The following NRBP2 variants were observed in gnomAD, a reference collection of about 807,000 sequenced individuals.
NRBP2 encodes the protein nuclear receptor binding protein 2.
NRBP2 carries 47 observed loss-of-function variants against 74.4 expected under a neutral mutation model. The ratio of observed to expected loss-of-function variants is 0.63; its 90% CI spans 0.50 to 0.81. NRBP2 has a LOEUF of 0.81. Ranked by LOEUF, NRBP2 falls within the 30% of genes least tolerant of loss-of-function variation. The probability of loss-of-function intolerance (pLI) is 0.00; values close to 1 mark genes in which losing one functional copy is unlikely to be tolerated. For synonymous variants in NRBP2, 312 were observed against 273.8 expected, an observed-to-expected ratio of 1.14 and a Z score of -1.38; for missense variants, 613 against 690.1, an observed-to-expected ratio of 0.89 and a Z score of 1.25.
In NRBP2 at chr8:143,840,354, G is replaced by A; in HGVS notation, c.130-125C>T. 1.5e-6 allele frequency: 2 copies of A among 1,313,050 alleles called. No individual in the cohort carries two copies. Among genetic ancestry groups the A allele is most frequent in the Non-Finnish European group, 2.1e-6 (2 of 973,614 alleles). The allele number at this position is 1,313,050 out of a possible 1,614,324, so 81.3% of individuals were successfully genotyped here. The stretch of plus-strand genomic sequence containing the variant: ...GCTGCAGGCCCTGAGCCACTCTGCG[G>A]GAAGGTGGGGCTTGGAGGGTAGCTG... On this transcript the variant is annotated intron_variant, in intron 1 of 17. Coordinates refer to ENST00000442628, the MANE Select transcript of NRBP2 (RefSeq NM_178564.4). This position sits in a 1 kb window ranked among gnomAD's most constrained non-coding sequence, Gnocchi z 5.7.
rs752770590 is a variant in NRBP2 at position 143,835,727 on chromosome 8, C to A, written c.1441G>T (p.Asp481Tyr). The A allele has an allele frequency of 4.4e-6, 7 of 1,599,274 alleles. No individual in the cohort carries two copies. The African/African-American group carries it at 8.1e-5, about 18-fold the overall frequency. Residue 481 changes from aspartate (D) to tyrosine (Y), a missense_variant, in exon 18 of 18, where the codon GAC (aspartate) becomes TAC (tyrosine). Transcript: ENST00000442628. The surrounding 1 kb of genome is among the most constrained non-coding windows in gnomAD (Gnocchi z 4.9). ...LVHYGFLHED[D>Y]RMKLAAFLES... ...AGGAAGGCGGCCAGCTTCATCCGGT[C>A]GTCCTGCGGAAGGAGGGAGGCATGG...
Position 143,835,763 on chromosome 8 carries a change from G to T in NRBP2, c.1438-33C>A, listed in dbSNP as rs566975606. On this transcript the variant is annotated intron_variant, in intron 17 of 17. Coordinates refer to ENST00000442628, the MANE Select transcript of NRBP2 (RefSeq NM_178564.4). The surrounding 1 kb of genome is among the most constrained non-coding windows in gnomAD (Gnocchi z 4.9). Reference sequence around the variant, plus strand: ...AGGAGGGAGGCATGGGGGACGGAGGGGCGCGGCCTGCCCCGTGCGCCCCCT... The same window carrying T: ...AGGAGGGAGGCATGGGGGACGGAGGTGCGCGGCCTGCCCCGTGCGCCCCCT... 13 of 1,596,484 alleles carry T rather than the reference G, an allele frequency of 8.1e-6. No individual in the cohort carries two copies. In the East Asian group the frequency reaches 2.0e-4, roughly 25 times the overall value.
Position 143,840,750 on chromosome 8 carries a change from G to C in NRBP2, c.85C>G (p.Leu29Val). Residue 29 changes from leucine to valine, a missense_variant, in exon 1 of 18, where the codon CTG becomes GTG. This residue lies in a region of NRBP2 where 332 missense variants were observed against 429.2 expected (regional missense o/e 0.77). Coordinates refer to ENST00000442628, the MANE Select transcript of NRBP2 (RefSeq NM_178564.4). The surrounding 1 kb of genome is among the most constrained non-coding windows in gnomAD (Gnocchi z 5.7). ...CAGCGACCACACGGGCTTTCCTCCA[G>C]GATGTCGCTCTCGTCCTCGCTCTCG... The part of the protein sequence containing the change: ...EDESEDESDI[L>V]EESPCGRWQK... 6.6e-7 allele frequency: 1 copy of C among 1,514,888 alleles called. No individual in the cohort carries two copies. The highest frequency in any genetic ancestry group is 8.8e-7 in the Non-Finnish European group (1 of 1,137,520). 93.8% of individuals were successfully genotyped at this position (1,514,888 alleles called of 1,614,324 possible). A position where few individuals can be genotyped will look rare whatever the true frequency, so the allele number is the denominator to read the frequency against.
In NRBP2 at chr8:143,833,603, G is replaced by A. The variant is rs1012016634; in HGVS notation, c.*2059C>T. The A allele has an allele frequency of 6.6e-6, 1 of 152,032 alleles. No homozygotes were observed. Among genetic ancestry groups the A allele is most frequent in the East Asian group, 1.9e-4 (1 of 5,196 alleles). The allele number at this position is 152,032 out of a possible 1,614,324, so 9.4% of individuals were successfully genotyped here. On this transcript the variant is annotated 3_prime_UTR_variant, in exon 18 of 18. Coordinates refer to ENST00000442628, the MANE Select transcript of NRBP2 (RefSeq NM_178564.4). ...TTGAATTTGGAGAGGATCAGAGTAG[G>A]AGCCTGCATTTATTATTTATTATTG... is the stretch of plus-strand genomic sequence containing the variant.
downstream of NRBP2, chr8:143,833,303 C>T (rs1818227620): frequency 6.6e-6 from 1 of 152,148 alleles, no homozygotes; most frequent in South Asian, 2.1e-4. Context: ...TTATTAACTC[C>T]AGGGAAAACA....
At position 143,837,435 on chromosome 8, in the gene NRBP2, G is replaced by A. The variant is rs565981510; in HGVS notation, c.1048C>T (p.Arg350Trp). 34 of 1,606,686 alleles carry A rather than the reference G, an allele frequency of 2.1e-5. No individual in the cohort carries two copies. Among genetic ancestry groups the A allele is most frequent in the Middle Eastern group, 1.7e-4 (1 of 6,054 alleles). ...DLHAVLAELPRPRRPPLQWRY... is the reference protein window; with the variant it reads ...DLHAVLAELPWPRRPPLQWRY... ...CACTGCAGCGGGGGCCTGCGGGGCC[G>A]GGGAAGCTCCGCCAAGACCGCGTGC... The change falls in exon 12 of 18, where the codon CGG (arginine) becomes TGG (tryptophan). Residue 350 changes from arginine to tryptophan, a missense_variant. By Grantham distance (101) the Arg-to-Trp change is moderately radical. Transcript: ENST00000442628. This position sits in a 1 kb window ranked among gnomAD's most constrained non-coding sequence, Gnocchi z 4.3.
chr8:143,832,421 T>C (rs1377713486), downstream of NRBP2, among the ~76,000 whole-genome samples: 8 of 152,024 alleles, frequency 5.3e-5, no homozygotes, highest in African/African-American at 1.9e-4. Flanking sequence ...GGGTCTGTGC[T>C]GAGGAGGATT....
At position 143,839,163 on chromosome 8, in the gene NRBP2, C is replaced by T. The variant is rs1014269818; in HGVS notation, c.604+9G>A. On this transcript the variant is annotated intron_variant, in intron 7 of 17. Coordinates refer to ENST00000442628, the MANE Select transcript of NRBP2 (RefSeq NM_178564.4). This position sits in a 1 kb window ranked among gnomAD's most constrained non-coding sequence, Gnocchi z 5.1. ...TCCAGGACCCCGTCCCCCCAAAGTC[C>T]GCACTTACCATTGGAGAAGATTCGG... is the stretch of plus-strand genomic sequence containing the variant. 9.2e-6 allele frequency: 14 copies of T among 1,523,330 alleles called. No homozygotes were observed. In the Admixed American group the frequency reaches 9.9e-5, roughly 11 times the overall value. 94.4% of individuals were successfully genotyped at this position (1,523,330 alleles called of 1,614,324 possible). A position where few individuals can be genotyped will look rare whatever the true frequency, so the allele number is the denominator to read the frequency against.
At chr8:143,831,739 G>GT (rs1236616287), downstream of NRBP2, among the ~76,000 whole-genome samples, 5 of 152,348 alleles carry the variant, frequency 3.3e-5, no homozygotes, top group East Asian at 7.7e-4. Flanking sequence ...AAACAGTCAT[G>GT]TTTTCTGAAC....
Position 143,836,391 on chromosome 8 carries a change from C to T in NRBP2, c.1264-211G>A, listed in dbSNP as rs375631128. 2.6e-4 allele frequency among the ~76,000 whole-genome samples: 39 copies of T among 152,102 alleles called. No individual in the cohort carries two copies. In the East Asian group the frequency reaches 6.4e-3, roughly 25 times the overall value. Reference sequence around the variant, plus strand: ...CTGAAGGCTGAATAGGAGCTTTCACCGCGGAGAGAACAACTTGAACAAAGA... The same window carrying T: ...CTGAAGGCTGAATAGGAGCTTTCACTGCGGAGAGAACAACTTGAACAAAGA... On this transcript the variant is annotated intron_variant, in intron 14 of 17. Coordinates refer to ENST00000442628, the MANE Select transcript of NRBP2 (RefSeq NM_178564.4).
At chr8:143,836,461 C>G (rs1245397800) in intron 14 of NRBP2, among the ~76,000 whole-genome samples, 1 of 151,832 alleles carries the variant, frequency 6.6e-6, no homozygotes, top group Non-Finnish European at 1.5e-5. Flanking sequence ...GGGACAGGAC[C>G]GCGCCGAAGT....
chr8:143,838,912 T>C lies in NRBP2; in HGVS notation c.715A>G (p.Ile239Val), dbSNP rs1554652666. Residue 239 changes from isoleucine (I) to valine (V), a missense_variant, in exon 9 of 18, where the codon ATC (isoleucine) becomes GTC (valine). Transcript: ENST00000442628. ...GEVADGTAVD[I>V]FSFGMCALEM... ...AGCGCACACATCCCAAAGGAGAAGA[T>C]GTCCACAGCGGTCCCATCGGCCACC... 3.1e-6 allele frequency: 5 copies of C among 1,611,936 alleles called. No individual in the cohort carries two copies. The highest frequency in any genetic ancestry group is 1.3e-5 in the African/African-American group (1 of 74,994).
chr8:143,836,275 G>T, intron 14 of NRBP2, 95 bp from the exon 15 acceptor site: 1 of 1,420,178 alleles, frequency 7.0e-7, no homozygotes, highest in Non-Finnish European at 9.2e-7. Context: ...AGACTGGAAA[G>T]GGGGGAATCT....
In NRBP2 at chr8:143,839,508, C is replaced by T. The variant is rs921215303; in HGVS notation, c.485+1G>A. On this transcript the variant is annotated splice_donor_variant, in intron 5 of 17. Coordinates refer to ENST00000442628, the MANE Select transcript of NRBP2 (RefSeq NM_178564.4). LOFTEE classifies it high-confidence loss of function. The surrounding 1 kb of genome is among the most constrained non-coding windows in gnomAD (Gnocchi z 5.1). ...GCGCCCAGGCCAGCCCAGGCCCTCACCTGAGCGCAGACAGGATCTGCGTGC... is the reference window on the plus strand; with the variant it reads ...GCGCCCAGGCCAGCCCAGGCCCTCATCTGAGCGCAGACAGGATCTGCGTGC... 4.6e-6 allele frequency: 7 copies of T among 1,533,328 alleles called. No individual in the cohort carries two copies. Among genetic ancestry groups the T allele is most frequent in the Non-Finnish European group, 6.1e-6 (7 of 1,146,188 alleles). 95.0% of individuals were successfully genotyped at this position (1,533,328 alleles called of 1,614,324 possible).
chr8:143,836,136 C>G lies in NRBP2; in HGVS notation c.1308G>C (p.Ala436=). 6.3e-7 allele frequency: 1 copy of G among 1,599,872 alleles called. No individual in the cohort carries two copies. The highest frequency in any genetic ancestry group is 8.5e-7 in the Non-Finnish European group (1 of 1,175,500). The change falls in exon 15 of 18, where the codon GCG becomes GCC. Residue 436 remains alanine, a synonymous_variant. Transcript: ENST00000442628. ...QCNLERSEDK[A]RWHLTLLLVL... is the part of the protein sequence containing the mutation. The stretch of plus-strand genomic sequence containing the variant: ...CCCAGGCCCCGCTCACATGCCAGCG[C>G]GCCTTGTCCTCGCTTCTCTCCAGGT...
rs1554653550 is a variant in NRBP2 at position 143,840,806 on chromosome 8, C to T, written c.29G>A (p.Arg10Gln). ...CCGCTCCCGCTCCCGTTCCCGGGCC[C>T]GCCTCGGCGCCGGCTCCGGGGCCGC... MAAPEPAPRRARERERERED... is the reference protein window; with the variant it reads MAAPEPAPRQARERERERED... Residue 10 changes from arginine (R) to glutamine (Q), a missense_variant, in exon 1 of 18, where the codon CGG becomes CAG. Arg to Gln is a conservative substitution (Grantham distance 43). Transcript: ENST00000442628. This position sits in a 1 kb window ranked among gnomAD's most constrained non-coding sequence, Gnocchi z 5.7. The T allele has an allele frequency of 1.3e-6, 2 of 1,496,830 alleles. No homozygotes were observed. The highest frequency in any genetic ancestry group is 4.2e-5 in the Admixed American group (2 of 47,642). The allele number at this position is 1,496,830 out of a possible 1,614,324, so 92.7% of individuals were successfully genotyped here.
rs1818653420 is a variant in NRBP2, at chr8:143,840,652, C to A, written c.129+54G>T. 1 of 1,403,956 alleles carries A rather than the reference C, an allele frequency of 7.1e-7. No individual in the cohort carries two copies. Among genetic ancestry groups the A allele is most frequent in the Non-Finnish European group, 9.4e-7 (1 of 1,067,856 alleles). The allele number at this position is 1,403,956 out of a possible 1,614,324, so 87.0% of individuals were successfully genotyped here. On this transcript the variant is annotated intron_variant, in intron 1 of 17. Coordinates refer to ENST00000442628, the MANE Select transcript of NRBP2 (RefSeq NM_178564.4). This position sits in a 1 kb window ranked among gnomAD's most constrained non-coding sequence, Gnocchi z 5.7. ...CCCCACGCCCCGCGCAGCCTCCAGGCCCCTCCCGCTCTGGGAGGGCGGTGT... is the reference window on the plus strand; with the variant it reads ...CCCCACGCCCCGCGCAGCCTCCAGGACCCTCCCGCTCTGGGAGGGCGGTGT...
At chr8:143,831,635 A>C (rs1818168809), downstream of NRBP2, among the ~76,000 whole-genome samples, 1 of 152,158 alleles carries the variant, frequency 6.6e-6, no homozygotes, top group African/African-American at 2.4e-5. Context: ...AAACAACAAA[A>C]ACTCAACAGA....
At position 143,840,346 on chromosome 8, in the gene NRBP2, A is replaced by G; in HGVS notation, c.130-117T>C. 7.3e-7 allele frequency: 1 copy of G among 1,364,500 alleles called. No individual in the cohort carries two copies. Among genetic ancestry groups the G allele is most frequent in the Middle Eastern group, 2.4e-4 (1 of 4,180 alleles). 84.5% of individuals were successfully genotyped at this position (1,364,500 alleles called of 1,614,324 possible). A position where few individuals can be genotyped will look rare whatever the true frequency, so the allele number is the denominator to read the frequency against. On this transcript the variant is annotated intron_variant, in intron 1 of 17. Coordinates refer to ENST00000442628, the MANE Select transcript of NRBP2 (RefSeq NM_178564.4). The surrounding 1 kb of genome is among the most constrained non-coding windows in gnomAD (Gnocchi z 5.7). ...AAGCGTGGGCTGCAGGCCCTGAGCC[A>G]CTCTGCGGGAAGGTGGGGCTTGGAG...
Sources: gnomAD v4.1 joint callset for allele counts (sites outside exome capture counted in the v4.1 genomes callset) on GRCh38, gnomAD v4.1.1 for gene constraint, gnomAD v4.1.1 regional missense constraint, Gnocchi (gnomAD v3.1) non-coding constraint, MANE v1.5 for transcripts, NCBI Gene and HGNC (gene_info 2026-07-23, HGNC 2026-07-21) for gene names.